MAPK4: variants seen among roughly 807,000 people sequenced by gnomAD.
The protein encoded by MAPK4 is mitogen-activated protein kinase 4, also known as Erk3-related.
Under a neutral mutation model 47.7 loss-of-function variants are expected in MAPK4, and 22 were observed. The observed-to-expected ratio is 0.46, with a 90% CI of 0.33 to 0.66. MAPK4 has a LOEUF of 0.66. Among genes scored for constraint, MAPK4 ranks in the 30% least tolerant of loss-of-function variants. The probability of loss-of-function intolerance (pLI) is 0.02; values close to 1 mark genes in which losing one functional copy is unlikely to be tolerated. For synonymous variants in MAPK4, 390 were observed against 365.7 expected, an observed-to-expected ratio of 1.07 and a Z score of -0.76; for missense variants, 736 against 831.7, an observed-to-expected ratio of 0.88 and a Z score of 1.42.
chr18:50,704,660 G>A, intron 2 of MAPK4: 1 of 398,710 alleles, frequency 2.5e-6, no homozygotes, highest in Non-Finnish European at 4.4e-6. Context: ...CAGTCCTGTG[G>A]GGTGGGAGCA....
intron 1 of MAPK4, among the ~76,000 whole-genome samples, chr18:50,614,847 T>C (rs2042669959): frequency 6.6e-6 from 1 of 152,200 alleles, no homozygotes; most frequent in African/African-American, 2.4e-5. Flanking sequence ...AAATGAGGAT[T>C]CTTCCCTTCT....
At chr18:50,680,078 C>CTTTTTT (rs138992946) in intron 2 of MAPK4, among the ~76,000 whole-genome samples, 1 of 54,334 alleles carries the variant, frequency 1.8e-5, no homozygotes, top group African/African-American at 8.1e-5. Context: ...TGCTTTTAAA[C>CTTTTTT]TTTTTTTTTT....
chr18:50,598,797 T>G (rs1168185025), intron 1 of MAPK4, among the ~76,000 whole-genome samples: 1 of 152,202 alleles, frequency 6.6e-6, no homozygotes, highest in Non-Finnish European at 1.5e-5. Context: ...TTGGCAGTCT[T>G]GAGGAGTACT....
chr18:50,715,161 T>TCGACATGTG lies in MAPK4; in HGVS notation c.630_638dup (p.Met212_Trp213insCysAspMet). ...TCCCCCAATAACTACACCAAAGCCA[T>TCGACATGTG]CGACATGTGGGCCGCCGGCTGCATC... On this transcript the variant is annotated inframe_insertion, in exon 3 of 6. Transcript: ENST00000400384. 6.2e-7 allele frequency: 1 copy of TCGACATGTG among 1,614,152 alleles called. No homozygotes were observed. Among genetic ancestry groups the TCGACATGTG allele is most frequent in the Non-Finnish European group, 8.5e-7 (1 of 1,180,010 alleles).
intron 1 of MAPK4, among the ~76,000 whole-genome samples, chr18:50,613,997 A>C (rs908569914): frequency 2.6e-5 from 4 of 152,212 alleles, no homozygotes; most frequent in Non-Finnish European, 5.9e-5. Context: ...CTATTCAACT[A>C]TATTGACAAT....
At chr18:50,574,329 A>G (rs1003376008) in intron 1 of MAPK4, among the ~76,000 whole-genome samples, 4 of 152,234 alleles carry the variant, frequency 2.6e-5, no homozygotes, top group African/African-American at 9.7e-5. Context: ...CATTTCTAGG[A>G]AAACAAAAGG....
intron 3 of MAPK4, among the ~76,000 whole-genome samples, chr18:50,717,502 G>A (rs1400852047): frequency 6.6e-6 from 1 of 152,110 alleles, no homozygotes; most frequent in Non-Finnish European, 1.5e-5. Context: ...GAGAGTGAGG[G>A]AGTAGGATAG....
In MAPK4 at chr18:50,675,474, G is replaced by A. The variant is rs536317113; in HGVS notation, c.546+10970G>A. ...TGGGACTACAGGTGCCTGCCACCAG[G>A]CCCAGCTAATTTTGTTTTTATTTAT... On this transcript the variant is annotated intron_variant, in intron 2 of 5. Coordinates refer to ENST00000400384, the MANE Select transcript of MAPK4 (RefSeq NM_002747.4). 2.6e-5 allele frequency among the ~76,000 whole-genome samples: 4 copies of A among 152,066 alleles called. No homozygotes were observed. In the East Asian group the frequency reaches 7.8e-4, roughly 29 times the overall value.
intron 1 of MAPK4, among the ~76,000 whole-genome samples, chr18:50,614,902 G>A (rs1304466051): frequency 2.0e-5 from 3 of 152,148 alleles, no homozygotes; most frequent in Admixed American, 6.5e-5. Context: ...TTACATTGCT[G>A]GTCTCTGAGG....
chr18:50,566,883 C>T (rs1001163008), intron 1 of MAPK4, among the ~76,000 whole-genome samples: 4 of 152,114 alleles, frequency 2.6e-5, no homozygotes, highest in African/African-American at 4.8e-5. Context: ...TAATCCCATT[C>T]GTATTTTGCT....
chr18:50,623,529 A>G (rs2042750316), intron 1 of MAPK4, among the ~76,000 whole-genome samples: 2 of 152,144 alleles, frequency 1.3e-5, no homozygotes, highest in African/African-American at 4.8e-5. Context: ...TCCAGAATGC[A>G]TCTCGCATCC....
chr18:50,629,057 G>A (rs2042806197), intron 1 of MAPK4, among the ~76,000 whole-genome samples: 1 of 152,228 alleles, frequency 6.6e-6, no homozygotes, highest in African/African-American at 2.4e-5. Context: ...GAAGCAATAT[G>A]TGATTAGAGT....
chr18:50,697,420 A>G (rs1598924605), intron 2 of MAPK4, among the ~76,000 whole-genome samples: 1 of 152,236 alleles, frequency 6.6e-6, no homozygotes. Context: ...TATTTGCTAC[A>G]TTAATAATTC....
chr18:50,595,580 G>C (rs1003626238), intron 1 of MAPK4, among the ~76,000 whole-genome samples: 6 of 152,168 alleles, frequency 3.9e-5, no homozygotes, highest in African/African-American at 1.4e-4. Context: ...AAGCTTTCTG[G>C]GGTAACAGAC....
chr18:50,582,296 C>A (rs891252744), intron 1 of MAPK4, among the ~76,000 whole-genome samples: 3 of 152,112 alleles, frequency 2.0e-5, no homozygotes, highest in Non-Finnish European at 4.4e-5. Flanking sequence ...TGCTCAGGTG[C>A]GGGTGCCCTT....
At chr18:50,634,685 A>G (rs2042866558) in intron 1 of MAPK4, among the ~76,000 whole-genome samples, 2 of 152,196 alleles carry the variant, frequency 1.3e-5, no homozygotes, top group African/African-American at 2.4e-5. Context: ...TCAGCTTTTA[A>G]TTAGGGAGCC....
intron 1 of MAPK4, among the ~76,000 whole-genome samples, chr18:50,612,416 T>C (rs773691099): frequency 1.3e-5 from 2 of 152,194 alleles, no homozygotes; most frequent in African/African-American, 2.4e-5. Flanking sequence ...GACATATAGA[T>C]ATGAGTATGT....
chr18:50,668,215 C>T (rs1372329466), intron 2 of MAPK4, among the ~76,000 whole-genome samples: 1 of 152,202 alleles, frequency 6.6e-6, no homozygotes, highest in Non-Finnish European at 1.5e-5. Flanking sequence ...ACAGAAGCAT[C>T]TGTCCCCAGG....
chr18:50,705,014 C>G (rs1460760098), intron 2 of MAPK4: 1 of 371,854 alleles, frequency 2.7e-6, no homozygotes, highest in Non-Finnish European at 4.8e-6. Flanking sequence ...CAGGTTGGTC[C>G]CAGGCAAGAT....
Sources: allele counts gnomAD v4.1 joint callset (sites outside exome capture counted in the v4.1 genomes callset), GRCh38; gene constraint gnomAD v4.1.1; transcripts MANE v1.5; gene names NCBI Gene and HGNC (gene_info 2026-07-23, HGNC 2026-07-21).